Variants in KLHL3 observed in about 807,000 individuals in gnomAD.
KLHL3 encodes kelch-like protein 3.
In KLHL3, 19 loss-of-function variants were observed where a neutral mutation model predicts 70.5. That is an observed-to-expected ratio of 0.27 (90% confidence interval 0.19 to 0.40). The LOEUF is 0.40. KLHL3 is among the 10% of genes least tolerant of loss of function. The probability of loss-of-function intolerance (pLI) is 1.00; values close to 1 mark genes in which losing one functional copy is unlikely to be tolerated. For missense variants in KLHL3, 512 were observed against 771.1 expected (o/e 0.66, Z 3.98); for synonymous variants, 258 against 290.3 (o/e 0.89, Z 1.13).
chr5:137,720,285 A>C (rs1299096802), intron 2 of KLHL3, among the ~76,000 whole-genome samples, 180 bp downstream of exon 2: 1 of 151,706 alleles, frequency 6.6e-6, no homozygotes. Flanking sequence ...TGGATGACAG[A>C]GCAAGATTCC....
At chr5:137,645,637 T>C (rs1176423072) in intron 8 of KLHL3, among the ~76,000 whole-genome samples, 1 of 151,794 alleles carries the variant, frequency 6.6e-6, no homozygotes, top group Non-Finnish European at 1.5e-5. Flanking sequence ...CTATAAAACA[T>C]TGACGAAAGA....
At chr5:137,654,009 G>C (rs960585312) in intron 8 of KLHL3, among the ~76,000 whole-genome samples, 2 of 152,166 alleles carry the variant, frequency 1.3e-5, no homozygotes, top group African/African-American at 4.8e-5. Context: ...ACTACATACA[G>C]CATGATTCCA....
intron 8 of KLHL3, among the ~76,000 whole-genome samples, chr5:137,653,718 A>G (rs540297236): frequency 1.3e-5 from 2 of 152,354 alleles, no homozygotes; most frequent in Non-Finnish European, 2.9e-5. Flanking sequence ...TTAAACATAT[A>G]CTTACCATAC....
chr5:137,706,210 A>T (rs1752681978), intron 3 of KLHL3: 1 of 985,322 alleles, frequency 1.0e-6, no homozygotes, highest in African/African-American at 1.7e-5. Context: ...ACACAACTCA[A>T]GTCAGAAGAA....
intron 5 of KLHL3, among the ~76,000 whole-genome samples, chr5:137,685,798 A>T (rs1752148238): frequency 2.0e-5 from 3 of 152,184 alleles, no homozygotes; most frequent in African/African-American, 4.8e-5. Flanking sequence ...AGTAGCTGGG[A>T]CTATAGGCAC....
rs1751389800 is a variant in KLHL3 at position 137,658,185 on chromosome 5, T to C, written c.849A>G (p.Arg283=). The C allele has an allele frequency of 6.2e-7, 1 of 1,613,912 alleles. No homozygotes were observed. The highest frequency in any genetic ancestry group is 8.5e-7 in the Non-Finnish European group (1 of 1,179,914). Residue 283 remains arginine (R), a synonymous_variant, in exon 8 of 15, where the codon AGA becomes AGG. Transcript: ENST00000309755. ...MKYHLLPLDQ[R]LLIKNPRTKP... ...TGGTCCTTGGGTTCTTAATCAATAG[T>C]CTCTGATCCAGAGGGAGGAGATGGT...
At chr5:137,712,958 T>C (rs533534064) in intron 2 of KLHL3, among the ~76,000 whole-genome samples, 2 of 152,238 alleles carry the variant, frequency 1.3e-5, no homozygotes, top group African/African-American at 4.8e-5. Flanking sequence ...TTTTCAATTG[T>C]CTGCTTCACT....
rs748418466 is a variant in KLHL3, at chr5:137,720,511, G to T, written c.88C>A (p.Pro30Thr). 7.4e-6 allele frequency: 12 copies of T among 1,614,150 alleles called. No homozygotes were observed. In the African/African-American group the frequency reaches 1.2e-4, roughly 16 times the overall value. The change falls in exon 2 of 15, where the codon CCT (proline) becomes ACT (threonine). Residue 30 changes from proline (P) to threonine (T), a missense_variant. Coordinates refer to ENST00000309755, the MANE Select transcript of KLHL3 (RefSeq NM_017415.3). The stretch of plus-strand genomic sequence containing the variant: ...TTGAATGCTTTCCCCATGTGGGCAG[G>T]GTTGACAGTGATCGTCCTCTGGTTC... Reference protein sequence around the residue: ...EKNQRTITVNPAHMGKAFKVM... With the variant: ...EKNQRTITVNTAHMGKAFKVM...
intron 8 of KLHL3, among the ~76,000 whole-genome samples, chr5:137,653,617 G>C (rs144796963): frequency 0.022 from 3,364 of 152,266 alleles, 134 homozygotes; most frequent in African/African-American, 0.076. Flanking sequence ...GTAGTAGCAG[G>C]ACTGCAGAAT....
intron 1 of KLHL3, among the ~76,000 whole-genome samples, chr5:137,725,527 A>G (rs1753072125): frequency 6.6e-6 from 1 of 152,226 alleles, no homozygotes; most frequent in Non-Finnish European, 1.5e-5. Flanking sequence ...CCAGGGTTCC[A>G]GCAACATTCA....
At chr5:137,635,488 A>G (rs929525373) in intron 11 of KLHL3, among the ~76,000 whole-genome samples, 47 of 152,354 alleles carry the variant, frequency 3.1e-4, no homozygotes, top group Admixed American at 3.1e-3. Context: ...TTTCCTAAAT[A>G]GGTATTCTTC....
At chr5:137,724,552 T>C (rs1336269635) in intron 1 of KLHL3, among the ~76,000 whole-genome samples, 1 of 152,154 alleles carries the variant, frequency 6.6e-6, no homozygotes. Flanking sequence ...CACTAGAGCC[T>C]CCGTAAAAGA....
At chr5:137,686,851 A>C (rs1014790508) in intron 5 of KLHL3, among the ~76,000 whole-genome samples, 1 of 152,244 alleles carries the variant, frequency 6.6e-6, no homozygotes, top group Non-Finnish European at 1.5e-5. Context: ...TCATGGCCTT[A>C]TCTTCTGCAT....
At chr5:137,720,226 G>C (rs1387090444) in intron 2 of KLHL3, among the ~76,000 whole-genome samples, 1 of 152,090 alleles carries the variant, frequency 6.6e-6, no homozygotes, top group Non-Finnish European at 1.5e-5. Context: ...CTTGAACCCG[G>C]GAGGTGGAGG....
At chr5:137,625,728 G>A (rs1237274502) in intron 14 of KLHL3, 25 bp downstream of exon 14, 7 of 1,613,446 alleles carry the variant, frequency 4.3e-6, no homozygotes, top group Non-Finnish European at 5.9e-6. Flanking sequence ...CCTCTCGGAT[G>A]GGCATGGAGA....
At chr5:137,629,805 A>C (rs548778275) in intron 12 of KLHL3, 1 of 152,346 alleles carries the variant, frequency 6.6e-6, no homozygotes, top group South Asian at 2.1e-4. Flanking sequence ...TGAGTTCCAA[A>C]GCTGCCTCAC....
chr5:137,636,948 T>C (rs1436202755), intron 11 of KLHL3, among the ~76,000 whole-genome samples: 1 of 152,174 alleles, frequency 6.6e-6, no homozygotes, highest in Non-Finnish European at 1.5e-5. Context: ...TCTACTACAT[T>C]ATCCTCCTGG....
chr5:137,696,787 T>TCTTCAGCTGTAAAGGA (rs1326376020), intron 4 of KLHL3, among the ~76,000 whole-genome samples: 2 of 152,166 alleles, frequency 1.3e-5, no homozygotes, highest in African/African-American at 4.8e-5. Flanking sequence ...GGAATCATAT[T>TCTTCAGCTGTAAAGGA]GGTATGGTCC....
At chr5:137,708,729 C>G (rs968998402) in intron 3 of KLHL3, among the ~76,000 whole-genome samples, 1 of 152,114 alleles carries the variant, frequency 6.6e-6, no homozygotes, top group African/African-American at 2.4e-5. Flanking sequence ...AGAGAGAGGC[C>G]TGGTGTGGAA....
Sources: gnomAD v4.1 joint callset for allele counts (sites outside exome capture counted in the v4.1 genomes callset) on GRCh38, gnomAD v4.1.1 for gene constraint, MANE v1.5 for transcripts, NCBI Gene and HGNC (gene_info 2026-07-23, HGNC 2026-07-21) for gene names.